Variants in PRKG1 observed in about 807,000 individuals in gnomAD.
PRKG1 encodes protein kinase cGMP-dependent 1.
PRKG1 carries 35 observed loss-of-function variants against 88.1 expected under a neutral mutation model. The ratio of observed to expected loss-of-function variants is 0.40; its 90% CI spans 0.30 to 0.53. The LOEUF (loss-of-function observed/expected upper bound fraction) is 0.53, where lower values mean the gene tolerates loss of function less well. Ranked by LOEUF, PRKG1 falls within the 20% of genes least tolerant of loss-of-function variation. PRKG1 has a pLI of 0.59. For synonymous variants in PRKG1, 303 were observed against 292.5 expected, an observed-to-expected ratio of 1.04 and a Z score of -0.37; for missense variants, 540 against 839.8, an observed-to-expected ratio of 0.64 and a Z score of 4.41.
intron 2 of PRKG1, among the ~76,000 whole-genome samples, chr10:51,327,896 G>T (rs1841633396): frequency 6.6e-6 from 1 of 152,152 alleles, no homozygotes; most frequent in Admixed American, 6.5e-5. Context: ...AAAAATGATA[G>T]TTTGAAGTAT....
intron 9 of PRKG1, among the ~76,000 whole-genome samples, chr10:52,243,501 A>G (rs1001451502): frequency 7.9e-5 from 12 of 152,142 alleles, no homozygotes; most frequent in Non-Finnish European, 1.5e-4. Flanking sequence ...GTGTGTTGGC[A>G]TTTTAAGATT....
intron 7 of PRKG1, among the ~76,000 whole-genome samples, chr10:52,069,214 G>A (rs887750078): frequency 6.6e-6 from 1 of 152,098 alleles, no homozygotes; most frequent in Non-Finnish European, 1.5e-5. Flanking sequence ...ATCTTCTGAT[G>A]TATATTTTTT....
intron 5 of PRKG1, among the ~76,000 whole-genome samples, chr10:52,011,956 G>A (rs1844894413): frequency 6.6e-6 from 1 of 152,146 alleles, no homozygotes; most frequent in African/African-American, 2.4e-5. Flanking sequence ...GACTTGACTT[G>A]CTCCTCCTTG....
At chr10:51,978,870 TG>T (rs1186456244) in intron 5 of PRKG1, among the ~76,000 whole-genome samples, 1 of 151,924 alleles carries the variant, frequency 6.6e-6, no homozygotes, top group Non-Finnish European at 1.5e-5. Flanking sequence ...GCTGAGACTA[TG>T]GGTTTTCTAG....
At chr10:51,923,903 A>G (rs1680870917) in intron 5 of PRKG1, among the ~76,000 whole-genome samples, 1 of 151,700 alleles carries the variant, frequency 6.6e-6, no homozygotes, top group South Asian at 2.1e-4. Flanking sequence ...ATCACAGCTC[A>G]CTGCAACCTC....
intron 4 of PRKG1, among the ~76,000 whole-genome samples, chr10:51,817,510 C>A (rs1380537612): frequency 1.3e-5 from 2 of 152,082 alleles, no homozygotes; most frequent in African/African-American, 4.8e-5. Context: ...CATCCATGTC[C>A]CTGCATAGGA....
chr10:51,477,692 G>A (rs6480276), intron 3 of PRKG1, among the ~76,000 whole-genome samples: 106,272 of 151,872 alleles, frequency 0.7, 38,407 homozygotes, highest in African/African-American at 0.83. Context: ...CTCACAGTTG[G>A]TGCTATGAAA....
chr10:52,074,847 CAT>C (rs1246425037), intron 7 of PRKG1, among the ~76,000 whole-genome samples: 1 of 152,144 alleles, frequency 6.6e-6, no homozygotes, highest in Non-Finnish European at 1.5e-5. Flanking sequence ...TAACATTACT[CAT>C]GTGTTCTGAT....
At chr10:51,074,418 G>T (rs1843891272), upstream of PRKG1, 1 of 1,441,240 alleles carries the variant, frequency 6.9e-7, no homozygotes, top group Non-Finnish European at 9.2e-7. Flanking sequence ...ACTCTGGGTG[G>T]CTGGAGCCGG....
At chr10:51,274,553 T>C (rs535644662) in intron 2 of PRKG1, among the ~76,000 whole-genome samples, 8 of 152,290 alleles carry the variant, frequency 5.3e-5, no homozygotes, top group African/African-American at 1.9e-4. Context: ...AAGTAGTAAA[T>C]AGAGTAATGC....
chr10:51,972,001 A>G (rs1467508797), intron 5 of PRKG1, among the ~76,000 whole-genome samples: 3 of 152,162 alleles, frequency 2.0e-5, no homozygotes, highest in African/African-American at 7.2e-5. Context: ...AAATGAAGTT[A>G]TATCTACAGA....
chr10:51,633,642 A>T (rs1181978708), intron 3 of PRKG1, among the ~76,000 whole-genome samples: 1 of 152,200 alleles, frequency 6.6e-6, no homozygotes, highest in African/African-American at 2.4e-5. Context: ...TGGCAAAATG[A>T]AGAATGCATG....
At chr10:52,140,209 T>C (rs1052946684) in intron 8 of PRKG1, among the ~76,000 whole-genome samples, 1 of 152,218 alleles carries the variant, frequency 6.6e-6, no homozygotes, top group African/African-American at 2.4e-5. Context: ...TATTAGAAAG[T>C]GGAGGGCTAT....
chr10:51,509,142 A>C (rs1338330570), intron 3 of PRKG1, among the ~76,000 whole-genome samples: 1 of 152,222 alleles, frequency 6.6e-6, no homozygotes, highest in Non-Finnish European at 1.5e-5. Flanking sequence ...AGTTATTTCA[A>C]ACAGTGTGTT....
intron 9 of PRKG1, among the ~76,000 whole-genome samples, chr10:52,233,937 G>C (rs1840603856): frequency 6.6e-6 from 1 of 152,104 alleles, no homozygotes; most frequent in African/African-American, 2.4e-5. Context: ...GAAGAGAGCA[G>C]TGGTTCTCCC....
At chr10:52,110,015 T>C (rs1407077394) in intron 7 of PRKG1, among the ~76,000 whole-genome samples, 2 of 151,732 alleles carry the variant, frequency 1.3e-5, no homozygotes, top group Admixed American at 6.6e-5. Flanking sequence ...ATGTACCAGA[T>C]GCTCACTGGG....
intron 3 of PRKG1, among the ~76,000 whole-genome samples, chr10:51,700,890 A>G (rs554131330): frequency 9.8e-5 from 15 of 152,362 alleles, no homozygotes; most frequent in Middle Eastern, 3.4e-3. Flanking sequence ...GTTCTAAATA[A>G]AAATCATTTT....
At chr10:51,485,862 G>A (rs1270755891) in intron 3 of PRKG1, among the ~76,000 whole-genome samples, 2 of 152,064 alleles carry the variant, frequency 1.3e-5, no homozygotes, top group Admixed American at 6.6e-5. Context: ...GCTTGCTAAC[G>A]GTGTCAACTT....
intron 7 of PRKG1, among the ~76,000 whole-genome samples, chr10:52,083,065 G>T (rs1441307546): frequency 6.6e-6 from 1 of 152,006 alleles, no homozygotes; most frequent in Non-Finnish European, 1.5e-5. Context: ...GAAAAGATTG[G>T]CCAGAAATTC....
Sources: gnomAD v4.1 joint callset for allele counts (sites outside exome capture counted in the v4.1 genomes callset) on GRCh38, gnomAD v4.1.1 for gene constraint, MANE v1.5 for transcripts, NCBI Gene and HGNC (gene_info 2026-07-23, HGNC 2026-07-21) for gene names.